The following RUNX2 variants were observed in gnomAD, a reference collection of about 807,000 sequenced individuals.
The protein encoded by RUNX2 is runt-related transcription factor 2.
In RUNX2, 10 loss-of-function variants were observed where a neutral mutation model predicts 51.7. That is an observed-to-expected ratio of 0.19 (90% CI 0.12 to 0.33). The LOEUF (loss-of-function observed/expected upper bound fraction) is 0.33. Among genes scored for constraint, RUNX2 ranks in the 10% least tolerant of loss-of-function variants. The pLI, the probability that RUNX2 is intolerant of heterozygous loss-of-function variation, is 1.00. For missense variants in RUNX2, 562 were observed against 691.3 expected, an observed-to-expected ratio of 0.81 and a Z score of 2.10; for synonymous variants, 276 against 273.6, an observed-to-expected ratio of 1.01 and a Z score of -0.09.
chr6:45,366,725 A>T (rs989203351), intron 2 of RUNX2, among the ~76,000 whole-genome samples: 1 of 152,156 alleles, frequency 6.6e-6, no homozygotes, highest in African/African-American at 2.4e-5. Context: ...CATCACTACA[A>T]CTACTAGTCA....
chr6:45,508,570 A>G (rs908847144), intron 6 of RUNX2, among the ~76,000 whole-genome samples: 1 of 152,054 alleles, frequency 6.6e-6, no homozygotes, highest in African/African-American at 2.4e-5. Flanking sequence ...AGTCATTCTC[A>G]TAGACTCTTA....
At chr6:45,361,725 C>T (rs1794297281) in intron 2 of RUNX2, 1 of 152,200 alleles carries the variant, frequency 6.6e-6, no homozygotes, top group Admixed American at 6.5e-5. Flanking sequence ...CCCACTAACA[C>T]TTGTTAGACT....
At chr6:45,392,110 G>C (rs1797483159) in intron 2 of RUNX2, among the ~76,000 whole-genome samples, 1 of 152,104 alleles carries the variant, frequency 6.6e-6, no homozygotes, top group South Asian at 2.1e-4. Flanking sequence ...TAGAGGCTCT[G>C]GGGAACTCAG....
intron 5 of RUNX2, among the ~76,000 whole-genome samples, chr6:45,466,634 T>C (rs952022783): frequency 2.6e-5 from 4 of 152,256 alleles, no homozygotes; most frequent in Non-Finnish European, 5.9e-5. Context: ...TCCAGTATTC[T>C]AATGCTGTGT....
chr6:45,382,885 G>A (rs1358053012), intron 2 of RUNX2, among the ~76,000 whole-genome samples: 1 of 152,162 alleles, frequency 6.6e-6, no homozygotes. Context: ...ACATGGTTGG[G>A]TTCTGGGTAT....
chr6:45,440,144 A>G (rs2150373355), intron 5 of RUNX2, among the ~76,000 whole-genome samples: 1 of 152,262 alleles, frequency 6.6e-6, no homozygotes, highest in African/African-American at 2.4e-5. Context: ...ATGCGGGGTC[A>G]TTTTCCTGAC....
At chr6:45,363,295 T>C (rs1307659457) in intron 2 of RUNX2, among the ~76,000 whole-genome samples, 2 of 152,184 alleles carry the variant, frequency 1.3e-5, no homozygotes, top group Non-Finnish European at 2.9e-5. Context: ...CTATAGGACA[T>C]CTGTTTTTAA....
chr6:45,495,895 C>A (rs1342748993), intron 6 of RUNX2, among the ~76,000 whole-genome samples: 1 of 152,208 alleles, frequency 6.6e-6, no homozygotes, highest in African/African-American at 2.4e-5. Flanking sequence ...CACATAACTT[C>A]AGTCTGATTC....
intron 5 of RUNX2, among the ~76,000 whole-genome samples, chr6:45,453,940 A>G (rs1003893970): frequency 9.9e-5 from 15 of 152,152 alleles, no homozygotes; most frequent in African/African-American, 3.6e-4. Flanking sequence ...TTTTTACAGA[A>G]CATATTTTTG....
chr6:45,346,929 G>A (rs1002305358), intron 2 of RUNX2, among the ~76,000 whole-genome samples: 2 of 152,050 alleles, frequency 1.3e-5, no homozygotes, highest in Non-Finnish European at 2.9e-5. Flanking sequence ...AAATAAACAA[G>A]TGCCTAAACA....
At chr6:45,483,692 AGAGG>A (rs572922818) in intron 5 of RUNX2, among the ~76,000 whole-genome samples, 1 of 152,236 alleles carries the variant, frequency 6.6e-6, no homozygotes, top group Non-Finnish European at 1.5e-5. Context: ...GATATAAATC[AGAGG>A]GATCATCAAG....
At chr6:45,386,189 TC>T (rs1211686130) in intron 2 of RUNX2, among the ~76,000 whole-genome samples, 1 of 151,454 alleles carries the variant, frequency 6.6e-6, no homozygotes, top group Non-Finnish European at 1.5e-5. Context: ...TGCCTCAGCC[TC>T]CCTAGTAGCT....
chr6:45,475,133 A>G (rs1304604215), intron 5 of RUNX2, among the ~76,000 whole-genome samples: 3 of 151,994 alleles, frequency 2.0e-5, no homozygotes, highest in Non-Finnish European at 4.4e-5. Context: ...TAAAAAAAAA[A>G]AAAAAAAAGA....
chr6:45,371,937 C>A (rs994123931), intron 2 of RUNX2: 6 of 793,854 alleles, frequency 7.6e-6, no homozygotes, highest in Non-Finnish European at 9.2e-6. Context: ...CAAGGACACA[C>A]TACTATTTAG....
At chr6:45,428,002 C>T (rs567400991) in intron 3 of RUNX2, among the ~76,000 whole-genome samples, 11 of 152,108 alleles carry the variant, frequency 7.2e-5, no homozygotes, top group African/African-American at 2.7e-4. Flanking sequence ...AAAATTACTT[C>T]TCCTTTTCTC....
intron 2 of RUNX2, among the ~76,000 whole-genome samples, chr6:45,348,721 G>A (rs1791431292): frequency 6.6e-6 from 1 of 151,036 alleles, no homozygotes; most frequent in Non-Finnish European, 1.5e-5. Flanking sequence ...AACTAACAAG[G>A]CATTAAATGA....
At chr6:45,357,941 G>A (rs1467729189) in intron 2 of RUNX2, among the ~76,000 whole-genome samples, 1 of 151,854 alleles carries the variant, frequency 6.6e-6, no homozygotes, top group African/African-American at 2.4e-5. Flanking sequence ...TTAAGAAACT[G>A]AACACATTTC....
chr6:45,540,563 T>C (rs1802190371), intron 7 of RUNX2, among the ~76,000 whole-genome samples: 1 of 152,208 alleles, frequency 6.6e-6, no homozygotes, highest in Non-Finnish European at 1.5e-5. Context: ...CATCTATGAT[T>C]CTTGATGACT....
At chr6:45,379,923 G>A (rs1191956609) in intron 2 of RUNX2, among the ~76,000 whole-genome samples, 1 of 151,926 alleles carries the variant, frequency 6.6e-6, no homozygotes, top group Non-Finnish European at 1.5e-5. Context: ...CATGGAGAAG[G>A]GAAACTGAGT....
Sources: allele counts gnomAD v4.1 joint callset (sites outside exome capture counted in the v4.1 genomes callset), GRCh38; gene constraint gnomAD v4.1.1; transcripts MANE v1.5; gene names NCBI Gene and HGNC (gene_info 2026-07-23, HGNC 2026-07-21).